Variants in PRKAR1B observed in about 807,000 individuals in gnomAD.
The protein encoded by PRKAR1B is protein kinase cAMP-dependent type I regulatory subunit beta.
A neutral mutation model predicts 46.5 loss-of-function variants in PRKAR1B; 22 were observed. The observed-to-expected ratio is 0.47, with a 90% CI of 0.34 to 0.68. The LOEUF (loss-of-function observed/expected upper bound fraction) is 0.68, where lower values mean the gene tolerates loss of function less well. Among genes scored for constraint, PRKAR1B ranks in the 30% least tolerant of loss-of-function variants. The probability of loss-of-function intolerance (pLI) is 0.01; values close to 1 mark genes in which losing one functional copy is unlikely to be tolerated. For synonymous variants in PRKAR1B, 259 were observed against 217.7 expected, an observed-to-expected ratio of 1.19 and a Z score of -1.67; for missense variants, 445 against 535.6, an observed-to-expected ratio of 0.83 and a Z score of 1.67.
intron 4 of PRKAR1B, among the ~76,000 whole-genome samples, chr7:636,012 TCACGTCCTCCACCGGCCGCGCCCA>T (rs1562578644): frequency 1.7e-3 from 34 of 19,720 alleles, no homozygotes; most frequent in East Asian, 6.8e-3. Context: ...GGCCGCGCCC[TCACGTCCTCCACCGGCCGCGCCCA>T]CACGTCCTCC....
At chr7:685,398 A>ATATATATG (rs1554303303) in intron 2 of PRKAR1B, among the ~76,000 whole-genome samples, 1 of 124,450 alleles carries the variant, frequency 8.0e-6, no homozygotes, top group African/African-American at 3.3e-5. Context: ...ATATATATAT[A>ATATATATG]TATGTATATA....
intron 4 of PRKAR1B, among the ~76,000 whole-genome samples, chr7:627,866 T>C (rs1439247825): frequency 6.6e-6 from 1 of 152,204 alleles, no homozygotes; most frequent in Non-Finnish European, 1.5e-5. Flanking sequence ...GCCCGCTATG[T>C]ACAGGCAGGT....
intron 4 of PRKAR1B, among the ~76,000 whole-genome samples, chr7:671,669 C>A (rs1458304105): frequency 1.3e-5 from 2 of 152,066 alleles, no homozygotes; most frequent in Non-Finnish European, 2.9e-5. Flanking sequence ...CAGGTTAAGA[C>A]ACATATTTGA....
chr7:602,889 CA>C lies in PRKAR1B; in HGVS notation c.549+3303del, dbSNP rs1781722366. On this transcript the variant is annotated intron_variant, in intron 6 of 10. Coordinates refer to ENST00000537384, the MANE Select transcript of PRKAR1B (RefSeq NM_001164760.2). This position sits in a 1 kb window ranked among gnomAD's most constrained non-coding sequence, Gnocchi z 6.4. ...GGGCCTGGGCAAAGGTCACGGCCAG[CA>C]AAGAACACAGCCTGGGTCCTCTGAG... 6.6e-6 allele frequency among the ~76,000 whole-genome samples: 1 copy of C among 152,180 alleles called. No homozygotes were observed. The highest frequency in any genetic ancestry group is 1.5e-5 in the Non-Finnish European group (1 of 68,036).
intron 9 of PRKAR1B, among the ~76,000 whole-genome samples, chr7:569,393 A>C (rs1779367812): frequency 2.6e-5 from 4 of 152,190 alleles, no homozygotes; most frequent in Admixed American, 2.6e-4. Context: ...TGTCCCCTGG[A>C]GCCATCTCAC....
At position 584,508 on chromosome 7, in the gene PRKAR1B, C is replaced by G. The variant is rs1229349513; in HGVS notation, c.769G>C (p.Glu257Gln). 6 of 1,613,712 alleles carry G rather than the reference C, an allele frequency of 3.7e-6. No homozygotes were observed. Among genetic ancestry groups the G allele is most frequent in the Non-Finnish European group, 5.1e-6 (6 of 1,179,916 alleles). The change falls in exon 8 of 11, where the codon GAG (glutamate) becomes CAG (glutamine). Residue 257 changes from glutamate (E) to glutamine (Q), a missense_variant and splice_region_variant. This residue lies in a region of PRKAR1B where 51 missense variants were observed against 85.1 expected (regional missense o/e 0.60). Coordinates refer to ENST00000537384, the MANE Select transcript of PRKAR1B (RefSeq NM_001164760.2). ...EEFLSKVSILESLEKWERLTV... is the reference protein window; with the variant it reads ...EEFLSKVSILQSLEKWERLTV... ...GCCGTGCAGGGGCGCAGCCACTGACCTAGGATGGAGACCTTGCTGAGGAAC... is the reference window on the plus strand; with the variant it reads ...GCCGTGCAGGGGCGCAGCCACTGACGTAGGATGGAGACCTTGCTGAGGAAC...
intron 4 of PRKAR1B, among the ~76,000 whole-genome samples, chr7:633,414 C>T (rs1287256122): frequency 2.0e-5 from 3 of 152,234 alleles, no homozygotes; most frequent in African/African-American, 4.8e-5. Context: ...TAATATCCCA[C>T]GACTTGGGAG....
rs1263561124 is a variant in PRKAR1B, at chr7:560,390, A to G, written c.892-8920T>C. On this transcript the variant is annotated intron_variant, in intron 9 of 10. Transcript: ENST00000537384. This position sits in a 1 kb window ranked among gnomAD's most constrained non-coding sequence, Gnocchi z 4.2. ...TAATAATAATAATAATAATAATAATAAATATATTTTAAAAGAAACTTTGTA... is the reference window on the plus strand; with the variant it reads ...TAATAATAATAATAATAATAATAATGAATATATTTTAAAAGAAACTTTGTA... 2.1e-5 allele frequency among the ~76,000 whole-genome samples: 3 copies of G among 144,874 alleles called. No homozygotes were observed. Among genetic ancestry groups the G allele is most frequent in the Non-Finnish European group, 4.5e-5 (3 of 66,398 alleles).
rs146056545 is a variant in PRKAR1B, at chr7:584,462, G to A, written c.769+46C>T. 1.1e-3 allele frequency: 1,675 copies of A among 1,569,704 alleles called. 19 individuals carry two copies. In the African/African-American group the frequency reaches 0.02, roughly 19 times the overall value. On this transcript the variant is annotated intron_variant, in intron 8 of 10. Transcript: ENST00000537384. ...GAAGAGGCCGGGGTGGCCAGCAGGC[G>A]CCCAGATGTCGGGACACACAGCCGT...
At chr7:713,004 T>G (rs1271908518) in intron 1 of PRKAR1B, 1 of 152,132 alleles carries the variant, frequency 6.6e-6, no homozygotes, top group East Asian at 2.0e-4. Flanking sequence ...GCGCACCAGC[T>G]TCACCCCGAT....
chr7:553,613 TCTTGGAGAACAAACA>T (rs1299424945), intron 9 of PRKAR1B, among the ~76,000 whole-genome samples: 2 of 152,080 alleles, frequency 1.3e-5, no homozygotes, highest in Non-Finnish European at 2.9e-5. Context: ...GAGCAGCTGC[TCTTGGAGAACAAACA>T]CTTCATTTCA....
chr7:588,822 G>GTGGTGA (rs1583257027), intron 7 of PRKAR1B, among the ~76,000 whole-genome samples: 84 of 51,972 alleles, frequency 1.6e-3, no homozygotes, highest in South Asian at 5.2e-3. Context: ...CACGATGATG[G>GTGGTGA]TGGTGATGGT....
At chr7:630,455 G>A (rs534213214) in intron 4 of PRKAR1B, among the ~76,000 whole-genome samples, 1 of 152,350 alleles carries the variant, frequency 6.6e-6, no homozygotes, top group East Asian at 1.9e-4. Flanking sequence ...GCCTGCATCT[G>A]AGGCCTGTGG....
In PRKAR1B at chr7:607,453, C is replaced by A. The variant is rs1199734441; in HGVS notation, c.441-1G>T. The A allele has an allele frequency of 6.2e-7, 1 of 1,613,726 alleles. No individual in the cohort carries two copies. Among genetic ancestry groups the A allele is most frequent in the East Asian group, 2.2e-5 (1 of 44,884 alleles). On this transcript the variant is annotated splice_acceptor_variant, in intron 4 of 10. Transcript: ENST00000537384. LOFTEE classifies it high-confidence loss of function. ...AGGGAACATGGCATCGAATATGTCA[C>A]TGAAAAGCAAAACACGCCAAATTAG...
At chr7:596,440 G>A (rs1007371154) in intron 6 of PRKAR1B, 136 bp from the exon 7 acceptor site, 2 of 1,097,266 alleles carry the variant, frequency 1.8e-6, no homozygotes, top group Admixed American at 5.6e-5. Context: ...TTCGCTTGTG[G>A]GCAGAGCCCT....
intron 9 of PRKAR1B, among the ~76,000 whole-genome samples, chr7:570,192 T>C (rs1583220003): frequency 6.6e-6 from 1 of 152,064 alleles, no homozygotes; most frequent in African/African-American, 2.4e-5. Context: ...CCGGTGCAGG[T>C]TCCCCCACAG....
intron 4 of PRKAR1B, among the ~76,000 whole-genome samples, chr7:637,415 T>C (rs914181073): frequency 2.0e-5 from 3 of 150,968 alleles, no homozygotes; most frequent in Admixed American, 6.6e-5. Flanking sequence ...AGACTCTGTC[T>C]CAAAAAAACA....
chr7:636,952 G>T (rs1054940521), intron 4 of PRKAR1B, among the ~76,000 whole-genome samples: 10 of 152,192 alleles, frequency 6.6e-5, no homozygotes, highest in Admixed American at 3.3e-4. Flanking sequence ...AAGGTGGGGG[G>T]TGGGGAGTGC....
intron 4 of PRKAR1B, among the ~76,000 whole-genome samples, chr7:673,071 A>C (rs1439604287): frequency 6.9e-6 from 1 of 144,484 alleles, no homozygotes; most frequent in Non-Finnish European, 1.5e-5. Context: ...AAAAAAAAAA[A>C]AAAAAAACAC....
Sources: allele counts gnomAD v4.1 joint callset (sites outside exome capture counted in the v4.1 genomes callset), GRCh38; gene constraint gnomAD v4.1.1; regional missense constraint gnomAD v4.1.1; non-coding constraint Gnocchi (gnomAD v3.1); transcripts MANE v1.5; gene names NCBI Gene and HGNC (gene_info 2026-07-23, HGNC 2026-07-21).